HPSE2: variants seen among roughly 807,000 people sequenced by gnomAD.
HPSE2 encodes the protein heparanase 2 (inactive).
A neutral mutation model predicts 60.5 loss-of-function variants in HPSE2; 38 were observed. That is an observed-to-expected ratio of 0.63 (90% CI 0.48 to 0.82). HPSE2 has a LOEUF of 0.82. Ranked by LOEUF, HPSE2 falls within the 40% of genes least tolerant of loss-of-function variation. The probability of loss-of-function intolerance (pLI) is 0.00; values close to 1 mark genes in which losing one functional copy is unlikely to be tolerated. For synonymous variants in HPSE2, 295 were observed against 293.2 expected (o/e 1.01, Z -0.06); for missense variants, 713 against 740.4 (o/e 0.96, Z 0.43).
intron 3 of HPSE2, among the ~76,000 whole-genome samples, chr10:98,749,419 C>T (rs770720312): frequency 1.3e-5 from 2 of 150,752 alleles, no homozygotes; most frequent in East Asian, 3.9e-4. Context: ...CATATACATG[C>T]ATATATATAT....
At chr10:99,075,124 G>A (rs1257043632) in intron 3 of HPSE2, among the ~76,000 whole-genome samples, 1 of 151,952 alleles carries the variant, frequency 6.6e-6, no homozygotes, top group African/African-American at 2.4e-5. Flanking sequence ...TATAAAGTTA[G>A]GTTACTTGAG....
intron 9 of HPSE2, among the ~76,000 whole-genome samples, chr10:98,589,687 C>T: frequency 6.6e-6 from 1 of 152,212 alleles, no homozygotes; most frequent in East Asian, 1.9e-4. Flanking sequence ...AATCCACAGT[C>T]ACATCATATG....
intron 3 of HPSE2, among the ~76,000 whole-genome samples, chr10:98,950,931 C>T (rs1476432489): frequency 6.6e-6 from 1 of 152,140 alleles, no homozygotes; most frequent in African/African-American, 2.4e-5. Context: ...ACTGTTTACA[C>T]ATGTACTGAC....
intron 6 of HPSE2, among the ~76,000 whole-genome samples, chr10:98,688,660 G>C (rs1484153571): frequency 6.6e-6 from 1 of 151,058 alleles, no homozygotes; most frequent in Non-Finnish European, 1.5e-5. Context: ...TTTTTTAGTA[G>C]AGACAGGGTT....
intron 3 of HPSE2, among the ~76,000 whole-genome samples, chr10:99,123,479 A>C (rs968246550): frequency 6.6e-6 from 1 of 152,210 alleles, no homozygotes; most frequent in Non-Finnish European, 1.5e-5. Flanking sequence ...AACAGCACTA[A>C]AGGCAGAGCG....
chr10:99,098,280 T>G (rs1484604064), intron 3 of HPSE2, among the ~76,000 whole-genome samples: 1 of 152,204 alleles, frequency 6.6e-6, no homozygotes, highest in Admixed American at 6.5e-5. Context: ...TATTATGTAT[T>G]AAAAGTAATC....
At chr10:99,240,592 T>C (rs1849919491), upstream of HPSE2, among the ~76,000 whole-genome samples, 1 of 152,028 alleles carries the variant, frequency 6.6e-6, no homozygotes, top group Admixed American at 6.5e-5. Context: ...TTTGTATTTT[T>C]TAGTGGAGAC....
chr10:98,528,625 T>A (rs567407286), intron 9 of HPSE2, among the ~76,000 whole-genome samples: 1 of 152,142 alleles, frequency 6.6e-6, no homozygotes, highest in South Asian at 2.1e-4. Flanking sequence ...GACTGGTAAA[T>A]GAAAGGAAGG....
intron 6 of HPSE2, among the ~76,000 whole-genome samples, chr10:98,672,297 A>C (rs1012267671): frequency 1.3e-5 from 2 of 152,230 alleles, no homozygotes; most frequent in Non-Finnish European, 2.9e-5. Flanking sequence ...TTATGCTGCC[A>C]TCTAACAATG....
chr10:98,867,039 C>A (rs942485499), intron 3 of HPSE2, among the ~76,000 whole-genome samples: 2 of 152,042 alleles, frequency 1.3e-5, no homozygotes, highest in African/African-American at 4.8e-5. Context: ...AAATGACAAC[C>A]AAATAAGGTG....
At chr10:99,175,418 A>G (rs1847485825) in intron 2 of HPSE2, among the ~76,000 whole-genome samples, 1 of 152,190 alleles carries the variant, frequency 6.6e-6, no homozygotes, top group African/African-American at 2.4e-5. Context: ...CGACCTGGGA[A>G]GCTCGACCTT....
At chr10:99,069,317 A>G (rs1285010431) in intron 3 of HPSE2, among the ~76,000 whole-genome samples, 2 of 152,058 alleles carry the variant, frequency 1.3e-5, no homozygotes, top group African/African-American at 4.8e-5. Context: ...ATCATGGGGA[A>G]ATTGAGAATA....
the HPSE2 span, among the ~76,000 whole-genome samples, chr10:99,311,383 CAT>C: frequency 6.6e-6 from 1 of 152,224 alleles, no homozygotes; most frequent in Non-Finnish European, 1.5e-5. Context: ...TTTCCAACAA[CAT>C]GTGCTCACTT....
At chr10:98,908,862 C>A (rs1953901640) in intron 3 of HPSE2, among the ~76,000 whole-genome samples, 1 of 152,014 alleles carries the variant, frequency 6.6e-6, no homozygotes, top group Non-Finnish European at 1.5e-5. Flanking sequence ...TTTATTCCTC[C>A]AAGCCATTTC....
At chr10:98,926,725 G>C (rs886319454) in intron 3 of HPSE2, among the ~76,000 whole-genome samples, 1 of 152,148 alleles carries the variant, frequency 6.6e-6, no homozygotes, top group African/African-American at 2.4e-5. Context: ...AAAAGGCAGT[G>C]ATTAGGACAC....
At chr10:99,149,915 A>T (rs1287043015) in intron 2 of HPSE2, among the ~76,000 whole-genome samples, 1 of 150,240 alleles carries the variant, frequency 6.7e-6, no homozygotes, top group African/African-American at 2.5e-5. Context: ...GGCCTGGATG[A>T]TCTCTAAACC....
At chr10:98,510,912 T>G (rs1942368111) in intron 9 of HPSE2, among the ~76,000 whole-genome samples, 1 of 152,192 alleles carries the variant, frequency 6.6e-6, no homozygotes, top group African/African-American at 2.4e-5. Flanking sequence ...AGGAAATTAT[T>G]TTTTATAGCT....
intron 9 of HPSE2, among the ~76,000 whole-genome samples, chr10:98,588,525 A>G (rs755378479): frequency 7.2e-5 from 11 of 152,092 alleles, no homozygotes; most frequent in Non-Finnish European, 1.5e-4. Context: ...CCTGCAGGAG[A>G]TCCACAAGTT....
At chr10:98,544,686 C>T (rs1175135487) in intron 9 of HPSE2, among the ~76,000 whole-genome samples, 1 of 138,718 alleles carries the variant, frequency 7.2e-6, no homozygotes, top group Admixed American at 7.6e-5. Flanking sequence ...GCACTCCAGC[C>T]TGGGCGACAG....
Sources: allele counts gnomAD v4.1 joint callset (sites outside exome capture counted in the v4.1 genomes callset), GRCh38; gene constraint gnomAD v4.1.1; transcripts MANE v1.5; gene names NCBI Gene and HGNC (gene_info 2026-07-23, HGNC 2026-07-21).